Variants in NRXN3 observed in about 807,000 individuals in gnomAD.
NRXN3 encodes neurexin III.
In NRXN3, 32 loss-of-function variants were observed where a neutral mutation model predicts 137.6. The ratio of observed to expected loss-of-function variants is 0.23; its 90% CI spans 0.18 to 0.31. The LOEUF is 0.31. Ranked by LOEUF, NRXN3 falls within the 10% of genes least tolerant of loss-of-function variation. NRXN3 has a pLI of 1.00. For synonymous variants in NRXN3, 798 were observed against 784.5 expected, an observed-to-expected ratio of 1.02 and a Z score of -0.29; for missense variants, 1,574 against 2,062.5, an observed-to-expected ratio of 0.76 and a Z score of 4.59.
intron 16 of NRXN3, among the ~76,000 whole-genome samples, chr14:79,620,392 A>C (rs1381767499): frequency 6.6e-6 from 1 of 152,138 alleles, no homozygotes; most frequent in Non-Finnish European, 1.5e-5. Context: ...TTAAGTAGAA[A>C]TGTGACTCCA....
chr14:78,995,423 G>A (rs923859977), intron 15 of NRXN3, among the ~76,000 whole-genome samples: 5 of 152,142 alleles, frequency 3.3e-5, no homozygotes, highest in African/African-American at 7.2e-5. Context: ...GACCACTAAT[G>A]TGTAATGGGG....
intron 16 of NRXN3, among the ~76,000 whole-genome samples, chr14:79,605,042 T>G (rs996164438): frequency 2.6e-5 from 4 of 152,000 alleles, no homozygotes; most frequent in African/African-American, 9.7e-5. Flanking sequence ...AAAAAAATTT[T>G]AAAAATAATA....
At chr14:78,776,709 G>A (rs768765002) in intron 8 of NRXN3, among the ~76,000 whole-genome samples, 11 of 152,112 alleles carry the variant, frequency 7.2e-5, no homozygotes, top group Non-Finnish European at 1.2e-4. Context: ...TTTCATAAAG[G>A]ACTTTGCTAG....
At chr14:78,835,422 G>C (rs2098993883) in intron 10 of NRXN3, among the ~76,000 whole-genome samples, 1 of 152,148 alleles carries the variant, frequency 6.6e-6, no homozygotes, top group Non-Finnish European at 1.5e-5. Flanking sequence ...TTTGGGGCAA[G>C]GCAGGCTCCC....
intron 16 of NRXN3, among the ~76,000 whole-genome samples, chr14:79,621,731 C>A (rs2098226459): frequency 6.6e-6 from 1 of 152,104 alleles, no homozygotes; most frequent in Non-Finnish European, 1.5e-5. Context: ...GCTCTTTAGA[C>A]CCAATTTACA....
chr14:78,271,152 C>A (rs540090570), intron 2 of NRXN3, among the ~76,000 whole-genome samples: 1 of 152,198 alleles, frequency 6.6e-6, no homozygotes, highest in South Asian at 2.1e-4. Flanking sequence ...GTAGTACTTA[C>A]GTACTTCTTA....
At chr14:78,258,347 A>G (rs1460747621) in intron 2 of NRXN3, among the ~76,000 whole-genome samples, 1 of 148,662 alleles carries the variant, frequency 6.7e-6, no homozygotes, top group Non-Finnish European at 1.5e-5. Flanking sequence ...ATAGATTTTG[A>G]TTTGGCCGTT....
intron 15 of NRXN3, among the ~76,000 whole-genome samples, chr14:79,027,500 T>C (rs923348784): frequency 7.2e-5 from 11 of 152,162 alleles, no homozygotes; most frequent in Non-Finnish European, 1.5e-4. Context: ...TTCGAGTTGC[T>C]AGTTATAATG....
intron 15 of NRXN3, among the ~76,000 whole-genome samples, chr14:79,175,362 G>A (rs2062223182): frequency 6.6e-6 from 1 of 152,182 alleles, no homozygotes; most frequent in African/African-American, 2.4e-5. Context: ...GTGGGATAAA[G>A]AACAGAAGAT....
intron 1 of NRXN3, among the ~76,000 whole-genome samples, chr14:78,188,782 G>A (rs1370158374): frequency 6.6e-6 from 1 of 152,186 alleles, no homozygotes; most frequent in Non-Finnish European, 1.5e-5. Flanking sequence ...TTACAAAATA[G>A]GAATGGCGTC....
At chr14:79,748,183 G>A (rs1000104177) in intron 19 of NRXN3, among the ~76,000 whole-genome samples, 3 of 151,796 alleles carry the variant, frequency 2.0e-5, no homozygotes, top group African/African-American at 7.3e-5. Flanking sequence ...TGCACATGTA[G>A]CCTGGAACTT....
chr14:78,800,080 G>A (rs539625516), intron 8 of NRXN3, among the ~76,000 whole-genome samples: 204 of 152,138 alleles, frequency 1.3e-3, no homozygotes, highest in African/African-American at 4.5e-3. Flanking sequence ...AATGAATGGC[G>A]TGTTTGTATA....
chr14:79,462,861 A>T (rs61995161), intron 15 of NRXN3, among the ~76,000 whole-genome samples: 2,762 of 140,524 alleles, frequency 0.02, 239 homozygotes, highest in African/African-American at 0.065. Flanking sequence ...ATACACAATG[A>T]ATGTATATGT....
intron 4 of NRXN3, among the ~76,000 whole-genome samples, chr14:78,516,880 T>A (rs549775291): frequency 6.6e-6 from 1 of 152,288 alleles, no homozygotes; most frequent in East Asian, 1.9e-4. Flanking sequence ...TAAACTGAAC[T>A]GGGAACCAGG....
intron 16 of NRXN3, among the ~76,000 whole-genome samples, chr14:79,655,961 G>C (rs951273254): frequency 2.0e-5 from 3 of 152,184 alleles, no homozygotes; most frequent in Non-Finnish European, 4.4e-5. Context: ...CTGATTCAGA[G>C]GGTCTTGCAC....
At chr14:78,488,852 A>G (rs1299118885) in intron 4 of NRXN3, among the ~76,000 whole-genome samples, 1 of 138,482 alleles carries the variant, frequency 7.2e-6, no homozygotes, top group African/African-American at 2.7e-5. Flanking sequence ...GGGAGGGGAA[A>G]GGTGGAGTGG....
intron 8 of NRXN3, among the ~76,000 whole-genome samples, chr14:78,721,583 G>C (rs1253655147): frequency 1.3e-5 from 2 of 152,126 alleles, no homozygotes; most frequent in Non-Finnish European, 2.9e-5. Flanking sequence ...AGTTATATCA[G>C]CACTGCAATC....
intron 1 of NRXN3, among the ~76,000 whole-genome samples, chr14:78,192,462 A>G (rs1449288297): frequency 3.3e-5 from 5 of 152,180 alleles, no homozygotes; most frequent in Non-Finnish European, 7.3e-5. Context: ...GAAAAAGAAG[A>G]CTTCTTGGAT....
intron 15 of NRXN3, among the ~76,000 whole-genome samples, chr14:79,033,376 G>T (rs1324219818): frequency 6.6e-6 from 1 of 152,122 alleles, no homozygotes; most frequent in East Asian, 1.9e-4. Flanking sequence ...GCAGAATGAG[G>T]AAACCTCAAG....
Sources: allele counts gnomAD v4.1 joint callset (sites outside exome capture counted in the v4.1 genomes callset), GRCh38; gene constraint gnomAD v4.1.1; transcripts MANE v1.5; gene names NCBI Gene and HGNC (gene_info 2026-07-23, HGNC 2026-07-21).